ATP6V0A2: variants seen among roughly 807,000 people sequenced by gnomAD.
ATP6V0A2 encodes the protein V-type proton ATPase 116 kDa subunit a 2.
In ATP6V0A2, 58 loss-of-function variants were observed where a neutral mutation model predicts 104.4. The observed-to-expected ratio is 0.56, with a 90% CI of 0.45 to 0.69. The LOEUF is 0.69. ATP6V0A2 is among the 30% of genes least tolerant of loss of function. The pLI, the probability that ATP6V0A2 is intolerant of heterozygous loss-of-function variation, is 0.00. For synonymous variants in ATP6V0A2, 376 were observed against 397.9 expected, an observed-to-expected ratio of 0.95 and a Z score of 0.65; for missense variants, 938 against 1,062.9, an observed-to-expected ratio of 0.88 and a Z score of 1.63.
chr12:123,715,075 C>T (rs368349835), intron 1 of ATP6V0A2, among the ~76,000 whole-genome samples: 2 of 151,966 alleles, frequency 1.3e-5, no homozygotes, highest in African/African-American at 4.8e-5. Flanking sequence ...AGCGAGACTC[C>T]GTCTCAAAAA....
In ATP6V0A2 at chr12:123,756,443, G is replaced by C. The variant is rs528756399; in HGVS notation, c.2294-372G>C. On this transcript the variant is annotated intron_variant, in intron 18 of 19. Coordinates refer to ENST00000330342, the MANE Select transcript of ATP6V0A2 (RefSeq NM_012463.4). ...TGCAGAGGTGGTGACTGAAGCCACT[G>C]AGTGTCGGTGCTTTACTCATGGTCA... 29 of 196,850 alleles carry C rather than the reference G, an allele frequency of 1.5e-4. 1 individual carries two copies. In the South Asian group the frequency reaches 4.3e-3, roughly 29 times the overall value. The allele number at this position is 196,850 out of a possible 1,614,324, so 12.2% of individuals were successfully genotyped here. A position where few individuals can be genotyped will look rare whatever the true frequency, so the allele number is the denominator to read the frequency against.
rs374410950 is a variant in ATP6V0A2, at chr12:123,751,179, C to G, written c.2005C>G (p.Leu669Val). The change falls in exon 16 of 20, where the codon CTG (leucine) becomes GTG (valine). Residue 669 changes from leucine to valine, a missense_variant. Coordinates refer to ENST00000330342, the MANE Select transcript of ATP6V0A2 (RefSeq NM_012463.4). ...CCCTGTCCTCTTCTTGGGAAAGCCA[C>G]TGTTTTTGTTGTGGCTTCACAATGG... is the stretch of plus-strand genomic sequence containing the variant. ...SVPVLFLGKPLFLLWLHNGRS... is the reference protein window; with the variant it reads ...SVPVLFLGKPVFLLWLHNGRS... 105 of 1,614,206 alleles carry G rather than the reference C, an allele frequency of 6.5e-5. 1 individual carries two copies. In the South Asian group the frequency reaches 1.1e-3, roughly 17 times the overall value.
intron 18 of ATP6V0A2, among the ~76,000 whole-genome samples, chr12:123,755,756 T>C (rs978419391): frequency 6.6e-6 from 1 of 151,970 alleles, no homozygotes; most frequent in African/African-American, 2.4e-5. Flanking sequence ...TACCATTTTT[T>C]CATTTCCCTA....
intron 1 of ATP6V0A2, among the ~76,000 whole-genome samples, chr12:123,716,058 A>G (rs1465180116): frequency 2.0e-5 from 3 of 151,790 alleles, no homozygotes; most frequent in Non-Finnish European, 4.4e-5. Flanking sequence ...CCTCTAAAAG[A>G]TGAATTTTTT....
intron 6 of ATP6V0A2, among the ~76,000 whole-genome samples, chr12:123,729,322 G>GTTTTTTTTTTTTTTTTTTTTTTTT (rs71308012): frequency 8.8e-6 from 1 of 113,890 alleles, no homozygotes; most frequent in African/African-American, 3.4e-5. Context: ...CAAGGAGGCT[G>GTTTTTTTTTTTTTTTTTTTTTTTT]TTTTTTTTTT....
At chr12:123,756,522 C>T in intron 18 of ATP6V0A2, 1 of 381,720 alleles carries the variant, frequency 2.6e-6, no homozygotes, top group Non-Finnish European at 4.8e-6. Flanking sequence ...TTCTGGCTGC[C>T]TGGTCCAGTG....
chr12:123,725,029 G>A (rs1168906640), intron 4 of ATP6V0A2, among the ~76,000 whole-genome samples: 2 of 152,006 alleles, frequency 1.3e-5, no homozygotes, highest in Non-Finnish European at 2.9e-5. Flanking sequence ...TCCGCCTTCC[G>A]GGTTCAAGAG....
At chr12:123,738,411 G>A (rs1416887682) in intron 9 of ATP6V0A2, among the ~76,000 whole-genome samples, 2 of 151,804 alleles carry the variant, frequency 1.3e-5, no homozygotes, top group Admixed American at 6.6e-5. Context: ...AAAAAAAAGA[G>A]CGTTTTCAAT....
chr12:123,743,843 C>T lies in ATP6V0A2; in HGVS notation c.1097C>T (p.Pro366Leu). ...AATATAATCCCCACAAAAGAAACAC[C>T]CCCCACTCGGATCCGCACCAACAAA... The part of the protein sequence containing the change: ...FMNIIPTKET[P>L]PTRIRTNKFT... The change falls in exon 10 of 20, where the codon CCC (proline) becomes CTC (leucine). Residue 366 changes from proline to leucine, a missense_variant. Coordinates refer to ENST00000330342, the MANE Select transcript of ATP6V0A2 (RefSeq NM_012463.4). 1 of 1,613,962 alleles carries T rather than the reference C, an allele frequency of 6.2e-7. No homozygotes were observed. Among genetic ancestry groups the T allele is most frequent in the Non-Finnish European group, 8.5e-7 (1 of 1,179,960 alleles).
chr12:123,718,639 G>T lies in ATP6V0A2; in HGVS notation c.134G>T (p.Ser45Ile), dbSNP rs779270173. 1 of 1,612,380 alleles carries T rather than the reference G, an allele frequency of 6.2e-7. No homozygotes were observed. The highest frequency in any genetic ancestry group is 1.1e-5 in the South Asian group (1 of 90,780). The change falls in exon 2 of 20, where the codon AGT becomes ATT. Residue 45 changes from serine to isoleucine, a missense_variant. Transcript: ENST00000330342. The stretch of plus-strand genomic sequence containing the variant: ...TTTTCTCAGCTCAACCAGAACGTAA[G>T]TTCTTTCCAAAGAAAATTTGTTGGT... The part of the protein sequence containing the change: ...VQFRDLNQNV[S>I]SFQRKFVGEV...
At chr12:123,734,614 A>T (rs1437018676) in intron 7 of ATP6V0A2, among the ~76,000 whole-genome samples, 1 of 152,244 alleles carries the variant, frequency 6.6e-6, no homozygotes, top group Non-Finnish European at 1.5e-5. Flanking sequence ...GAGTTGTGGT[A>T]CAACAATAAT....
rs771066385 is a variant in ATP6V0A2 at position 123,744,863 on chromosome 12, A to C, written c.1515-19A>C. 1.9e-6 allele frequency: 3 copies of C among 1,613,702 alleles called. No individual in the cohort carries two copies. The highest frequency in any genetic ancestry group is 2.5e-6 in the Non-Finnish European group (3 of 1,179,888). On this transcript the variant is annotated intron_variant, in intron 12 of 19. Transcript: ENST00000330342. This position sits in a 1 kb window ranked among gnomAD's most constrained non-coding sequence, Gnocchi z 5.4. ...TTCCTCCTCCCAGGTCAGCCTCCTC[A>C]CTCTGCTTTTTGTTACAGTGACAGC...
Position 123,754,591 on chromosome 12 carries a change from CAG to C in ATP6V0A2, c.2293+55_2293+56del, listed in dbSNP as rs993963822. 6.3e-5 allele frequency: 79 copies of C among 1,249,634 alleles called. 1 individual carries two copies. The East Asian group carries it at 1.3e-3, about 21-fold the overall frequency. 77.4% of individuals were successfully genotyped at this position (1,249,634 alleles called of 1,614,324 possible). On this transcript the variant is annotated intron_variant, in intron 18 of 19. Transcript: ENST00000330342. Reference sequence around the variant, plus strand: ...CAATGCCCTGTAGTGCCAGCAGACTCAGGGGGCACTGTGGGATATTTTAACTT... The same window carrying C: ...CAATGCCCTGTAGTGCCAGCAGACTCGGGGCACTGTGGGATATTTTAACTT...
At chr12:123,728,395 CTTTT>C (rs34247373) in intron 6 of ATP6V0A2, among the ~76,000 whole-genome samples, 3 of 124,506 alleles carry the variant, frequency 2.4e-5, no homozygotes, top group African/African-American at 9.3e-5. Flanking sequence ...CCTCACCTGG[CTTTT>C]TTTTTTTTTT....
rs1362634497 is a variant in ATP6V0A2 at position 123,722,419 on chromosome 12, C to T, written c.265C>T (p.Pro89Ser). 2.5e-6 allele frequency: 4 copies of T among 1,611,874 alleles called. No individual in the cohort carries two copies. The African/African-American group carries it at 4.0e-5, about 16-fold the overall frequency. ...LPEGEASPPA[P>S]PLKQVLEMQE... Reference sequence around the variant, plus strand: ...TGAAGGAGAGGCCAGCCCTCCTGCGCCACCCCTGAAACAGGTTCTAGAAAT... The same window carrying T: ...TGAAGGAGAGGCCAGCCCTCCTGCGTCACCCCTGAAACAGGTTCTAGAAAT... Residue 89 changes from proline to serine, a missense_variant, in exon 3 of 20, where the codon CCA becomes TCA. Pro to Ser is a moderately conservative substitution (Grantham distance 74). Transcript: ENST00000330342.
intron 15 of ATP6V0A2, chr12:123,750,208 T>C (rs1311136494): frequency 6.6e-6 from 1 of 152,178 alleles, no homozygotes; most frequent in Non-Finnish European, 1.5e-5. Flanking sequence ...CCTTACTTAG[T>C]GTTTCTTAAT....
rs1023066543 is a variant in ATP6V0A2 at position 123,760,862 on chromosome 12, A to G, written c.*2830A>G. On this transcript the variant is annotated 3_prime_UTR_variant, in exon 20 of 20. Transcript: ENST00000330342. ...CTGTTTCTGGAATGGATATTTTATA[A>G]CAACATTCTGGTGTCAGCATCCCCT... is the stretch of plus-strand genomic sequence containing the variant. 6.6e-6 allele frequency: 1 copy of G among 152,170 alleles called. No homozygotes were observed. The highest frequency in any genetic ancestry group is 6.5e-5 in the Admixed American group (1 of 15,272). The allele number at this position is 152,170 out of a possible 1,614,324, so 9.4% of individuals were successfully genotyped here.
chr12:123,754,643 C>G, intron 18 of ATP6V0A2, 106 bp downstream of exon 18: 2 of 801,876 alleles, frequency 2.5e-6, no homozygotes, highest in South Asian at 2.8e-5. Flanking sequence ...ATAGCACCAT[C>G]TTTCAGCTGC....
In ATP6V0A2 at chr12:123,722,418, G is replaced by T. The variant is rs139785866; in HGVS notation, c.264G>T (p.Ala88=). ...CTGAAGGAGAGGCCAGCCCTCCTGC[G>T]CCACCCCTGAAACAGGTTCTAGAAA... ...PLPEGEASPP[A]PPLKQVLEMQ... The change falls in exon 3 of 20, where the codon GCG becomes GCT. Residue 88 remains alanine (A), a synonymous_variant. Coordinates refer to ENST00000330342, the MANE Select transcript of ATP6V0A2 (RefSeq NM_012463.4). The T allele has an allele frequency of 7.6e-4, 1,221 of 1,611,790 alleles. 18 individuals are homozygous for T. The highest frequency in any genetic ancestry group is 2.5e-3 in the Middle Eastern group (15 of 6,062).
Sources: gnomAD v4.1 joint callset for allele counts (sites outside exome capture counted in the v4.1 genomes callset) on GRCh38, gnomAD v4.1.1 for gene constraint, Gnocchi (gnomAD v3.1) non-coding constraint, MANE v1.5 for transcripts, NCBI Gene and HGNC (gene_info 2026-07-23, HGNC 2026-07-21) for gene names.